Variants in COMMD1 observed in about 807,000 individuals in gnomAD.
The protein encoded by COMMD1 is copper metabolism domain containing 1.
COMMD1 carries 10 observed loss-of-function variants against 17.2 expected under a neutral mutation model. That is an observed-to-expected ratio of 0.58 (90% CI 0.36 to 0.99). COMMD1 has a LOEUF of 0.99. COMMD1 is among the 50% of genes least tolerant of loss of function. The pLI, the probability that COMMD1 is intolerant of heterozygous loss-of-function variation, is 0.01. For synonymous variants in COMMD1, 97 were observed against 91.6 expected (o/e 1.06, Z -0.34); for missense variants, 270 against 231.8 (o/e 1.17, Z -1.07).
rs1669756932 is a variant in COMMD1 at position 61,905,788 on chromosome 2, G to T, written c.110G>T (p.Ser37Ile). Residue 37 changes from serine to isoleucine, a missense_variant, in exon 1 of 3, where the codon AGC becomes ATC. Physicochemically the swap from Ser to Ile is moderately radical, Grantham distance 142. Coordinates refer to ENST00000311832, the MANE Select transcript of COMMD1 (RefSeq NM_152516.4). ...GGCATCACAGAGGAGCTGCTACGGA[G>T]CCAGCTATATCCAGAGGTGCCACCC... is the stretch of plus-strand genomic sequence containing the variant. ...YPGITEELLR[S>I]QLYPEVPPEE... The T allele has an allele frequency of 6.2e-6, 10 of 1,614,074 alleles. No individual in the cohort carries two copies. The highest frequency in any genetic ancestry group is 7.6e-6 in the Non-Finnish European group (9 of 1,180,032).
chr2:61,926,779 CTGT>C (rs1670339087), intron 1 of COMMD1, among the ~76,000 whole-genome samples: 2 of 152,044 alleles, frequency 1.3e-5, no homozygotes, highest in Non-Finnish European at 2.9e-5. Context: ...CACTGCCTAC[CTGT>C]TCTTCCTTTT....
At chr2:62,000,079 C>T (rs966555958) in intron 1 of COMMD1, among the ~76,000 whole-genome samples, 6 of 151,574 alleles carry the variant, frequency 4.0e-5, no homozygotes, top group Non-Finnish European at 8.8e-5. Context: ...TGCGCAACTA[C>T]ACCCGGCCAA....
At chr2:62,110,409 T>C (rs1222034208) in intron 2 of COMMD1, among the ~76,000 whole-genome samples, 1 of 152,234 alleles carries the variant, frequency 6.6e-6, no homozygotes, top group Non-Finnish European at 1.5e-5. Flanking sequence ...ATCCCCATTG[T>C]CTACAACTAT....
intron 2 of COMMD1, among the ~76,000 whole-genome samples, chr2:62,090,991 C>T (rs1671810657): frequency 6.6e-6 from 1 of 152,194 alleles, no homozygotes; most frequent in Non-Finnish European, 1.5e-5. Context: ...CATTTACCGT[C>T]CAAAAATCTC....
At chr2:62,104,633 C>CAAAAAAAA (rs35679940) in intron 2 of COMMD1, among the ~76,000 whole-genome samples, 30 of 76,688 alleles carry the variant, frequency 3.9e-4, no homozygotes, top group African/African-American at 7.1e-4. Context: ...GACTCCGTCT[C>CAAAAAAAA]AAAAAAAAAA....
At chr2:62,070,548 T>A (rs1466699920) in intron 2 of COMMD1, among the ~76,000 whole-genome samples, 20 of 131,084 alleles carry the variant, frequency 1.5e-4, no homozygotes, top group Admixed American at 4.7e-4. Flanking sequence ...ACCCTGTCTC[T>A]AAAAAAAAAA....
intron 2 of COMMD1, among the ~76,000 whole-genome samples, chr2:62,061,909 A>C (rs1670870840): frequency 6.6e-6 from 1 of 151,620 alleles, no homozygotes; most frequent in African/African-American, 2.4e-5. Context: ...CCTTCAAAGC[A>C]GTTGGAACTA....
At chr2:61,925,570 G>C (rs780628081) in intron 1 of COMMD1, among the ~76,000 whole-genome samples, 4 of 152,136 alleles carry the variant, frequency 2.6e-5, no homozygotes, top group Non-Finnish European at 5.9e-5. Flanking sequence ...TTTGCTTATC[G>C]CAGCAAGGTC....
At chr2:61,971,272 C>A (rs1671644393) in intron 1 of COMMD1, among the ~76,000 whole-genome samples, 1 of 152,224 alleles carries the variant, frequency 6.6e-6, no homozygotes, top group African/African-American at 2.4e-5. Context: ...ATTCCTGATG[C>A]AAGTCCTGCC....
intron 1 of COMMD1, among the ~76,000 whole-genome samples, chr2:61,968,764 C>G (rs1162232877): frequency 6.6e-6 from 1 of 151,852 alleles, no homozygotes; most frequent in East Asian, 1.9e-4. Context: ...CTCCATGTTG[C>G]CCAGGCTGGT....
At chr2:61,974,759 A>G (rs1671747755) in intron 1 of COMMD1, among the ~76,000 whole-genome samples, 1 of 152,110 alleles carries the variant, frequency 6.6e-6, no homozygotes, top group Admixed American at 6.5e-5. Context: ...GGGAAAATAC[A>G]GAGAGCTCCC....
chr2:62,044,255 T>G (rs1670317277), intron 2 of COMMD1, among the ~76,000 whole-genome samples: 1 of 152,230 alleles, frequency 6.6e-6, no homozygotes, highest in Non-Finnish European at 1.5e-5. Context: ...ACTTTGCAGA[T>G]TTACTTAAAT....
chr2:61,924,217 G>T (rs933335836), intron 1 of COMMD1, among the ~76,000 whole-genome samples: 1 of 152,160 alleles, frequency 6.6e-6, no homozygotes, highest in African/African-American at 2.4e-5. Context: ...CCTCTGGTAA[G>T]GTTTGATTAA....
chr2:61,888,667 T>G, upstream of COMMD1: 1 of 820,200 alleles, frequency 1.2e-6, no homozygotes, highest in Non-Finnish European at 1.8e-6. Flanking sequence ...GGGGCCTTCC[T>G]TGCCGCGCGG....
intron 2 of COMMD1, among the ~76,000 whole-genome samples, chr2:62,008,918 G>GC (rs1292653779): frequency 1.3e-5 from 2 of 152,028 alleles, no homozygotes; most frequent in Non-Finnish European, 2.9e-5. Flanking sequence ...CAAGTAGCTG[G>GC]CACTACAGGC....
intron 2 of COMMD1, among the ~76,000 whole-genome samples, chr2:62,109,919 C>CTTTTT (rs11345736): frequency 1.4e-3 from 102 of 73,828 alleles, no homozygotes; most frequent in Non-Finnish European, 1.6e-3. Flanking sequence ...TTATCTTGAT[C>CTTTTT]TTTTTTTTTT....
rs190588877 is a variant in COMMD1, at chr2:61,965,457, A to G, written c.181-35244A>G. Among the ~76,000 whole-genome samples, 80 of 152,314 alleles carry G rather than the reference A, an allele frequency of 5.3e-4. 1 individual carries two copies. The highest frequency in any genetic ancestry group is 1.8e-3 in the African/African-American group (76 of 41,588). On this transcript the variant is annotated intron_variant, in intron 1 of 2. Coordinates refer to ENST00000311832, the MANE Select transcript of COMMD1 (RefSeq NM_152516.4). ...GAGCTAAAACTACTTCAAAAGAGAA[A>G]GTCGTAGATGTCATCTGTAGGCCTC...
In COMMD1 at chr2:61,889,038, G is replaced by A. The variant is rs1198346052; in HGVS notation, n.119+196G>A. Reference sequence around the variant, plus strand: ...CCTCCTCAGCCTCCCGAGTAGCTGGGATTACAGGCGTCCGCCACCATGCCC... The same window carrying A: ...CCTCCTCAGCCTCCCGAGTAGCTGGAATTACAGGCGTCCGCCACCATGCCC... On this transcript the variant is annotated intron_variant and non_coding_transcript_variant, in intron 1 of 2. Coordinates refer to the COMMD1 transcript ENST00000472729. 5.3e-5 allele frequency among the ~76,000 whole-genome samples: 8 copies of A among 151,002 alleles called. No homozygotes were observed. The East Asian group carries it at 1.6e-3, about 30-fold the overall frequency.
chr2:62,092,385 C>G (rs753718091), intron 2 of COMMD1, among the ~76,000 whole-genome samples: 1 of 152,192 alleles, frequency 6.6e-6, no homozygotes. Context: ...CATTGTAGCT[C>G]TAGAGACTGG....
Sources: allele counts gnomAD v4.1 joint callset (sites outside exome capture counted in the v4.1 genomes callset), GRCh38; gene constraint gnomAD v4.1.1; transcripts MANE v1.5; gene names NCBI Gene and HGNC (gene_info 2026-07-23, HGNC 2026-07-21).